Variants in KRT7 observed in about 807,000 individuals in gnomAD.
The protein encoded by KRT7 is keratin 7, also known as keratin, type II cytoskeletal 7.
A neutral mutation model predicts 42.8 loss-of-function variants in KRT7; 50 were observed. That is an observed-to-expected ratio of 1.17 (90% CI 0.93 to 1.48). The LOEUF is 1.48. KRT7 is among the 40% of genes most tolerant of loss of function. KRT7 has a pLI of 0.00. For synonymous variants in KRT7, 268 were observed against 266.3 expected (o/e 1.01, Z -0.06); for missense variants, 588 against 637.6 (o/e 0.92, Z 0.84).
Position 52,235,231 on chromosome 12 carries a change from G to T in KRT7, c.401G>T (p.Ser134Ile), listed in dbSNP as rs1340529098. The change falls in exon 2 of 9, where the codon AGC (serine) becomes ATC (isoleucine). Residue 134 changes from serine (S) to isoleucine (I), a missense_variant. Coordinates refer to ENST00000331817, the MANE Select transcript of KRT7 (RefSeq NM_005556.4). Reference protein sequence around the residue: ...TLLQEQKSAKSSRLPDIFEAQ... With the variant: ...TLLQEQKSAKISRLPDIFEAQ... ...CTGCAGGAGCAGAAGTCGGCCAAGAGCAGCCGCCTCCCAGACATCTTTGAG... is the reference window on the plus strand; with the variant it reads ...CTGCAGGAGCAGAAGTCGGCCAAGATCAGCCGCCTCCCAGACATCTTTGAG... The T allele has an allele frequency of 1.9e-6, 3 of 1,614,086 alleles. No individual in the cohort carries two copies. The African/African-American group carries it at 4.0e-5, about 22-fold the overall frequency.
chr12:52,241,215 C>T (rs1942083453), intron 4 of KRT7, among the ~76,000 whole-genome samples: 1 of 152,190 alleles, frequency 6.6e-6, no homozygotes, highest in Admixed American at 6.5e-5. Context: ...CCACAGCGCA[C>T]CACACTGTCC....
Position 52,233,322 on chromosome 12 carries a change from T to C in KRT7, c.26T>C (p.Val9Ala). 1 of 1,569,488 alleles carries C rather than the reference T, an allele frequency of 6.4e-7. No homozygotes were observed. The highest frequency in any genetic ancestry group is 8.6e-7 in the Non-Finnish European group (1 of 1,163,292). Residue 9 changes from valine (V) to alanine (A), a missense_variant, in exon 1 of 9, where the codon GTA (valine) becomes GCA (alanine). By Grantham distance (64) the Val-to-Ala change is moderately conservative (BLOSUM62 0). Coordinates refer to ENST00000331817, the MANE Select transcript of KRT7 (RefSeq NM_005556.4). The stretch of plus-strand genomic sequence containing the variant: ...ATGTCCATCCACTTCAGCTCCCCGG[T>C]ATTCACCTCGCGCTCAGCCGCCTTC... MSIHFSSP[V>A]FTSRSAAFSG...
At chr12:52,245,064 T>G in intron 6 of KRT7, 3 of 350,876 alleles carry the variant, frequency 8.6e-6, no homozygotes, top group East Asian at 6.9e-5. Context: ...CACAATAGCA[T>G]TTATTAAGCA....
downstream of KRT7, chr12:52,252,439 C>G (rs751642636): frequency 2.5e-6 from 4 of 1,614,166 alleles, no homozygotes; most frequent in South Asian, 4.4e-5. Context: ...GCCGCCTCAC[C>G]CTGCTGCTCA....
chr12:52,255,046 G>A (rs527977133), downstream of KRT7, among the ~76,000 whole-genome samples: 29 of 152,206 alleles, frequency 1.9e-4, no homozygotes, highest in African/African-American at 4.8e-4. Flanking sequence ...TATGCCAGGC[G>A]CAGGGCCGAA....
intron 7 of KRT7, chr12:52,247,868 C>A: frequency 2.3e-6 from 1 of 432,816 alleles, no homozygotes; most frequent in South Asian, 2.6e-5. Context: ...GGGCTTTAGA[C>A]AGATTATGTC....
downstream of KRT7, among the ~76,000 whole-genome samples, chr12:52,252,833 C>T (rs1014443205): frequency 2.0e-5 from 3 of 152,306 alleles, no homozygotes; most frequent in East Asian, 1.9e-4. Flanking sequence ...TTGCTTGCTT[C>T]GCTCATTTAC....
Position 52,243,079 on chromosome 12 carries a change from C to T in KRT7, c.926C>T (p.Ser309Leu). ...DDLRNTRNEI[S>L]EMNRAIQRLQ... is the part of the protein sequence containing the mutation. The stretch of plus-strand genomic sequence containing the variant: ...CTCCGGAATACCCGGAATGAGATTT[C>T]AGAGATGAACCGGGCCATCCAGAGG... Residue 309 changes from serine (S) to leucine (L), a missense_variant, in exon 6 of 9, where the codon TCA (serine) becomes TTA (leucine). Coordinates refer to ENST00000331817, the MANE Select transcript of KRT7 (RefSeq NM_005556.4). 1.9e-6 allele frequency: 3 copies of T among 1,613,926 alleles called. No homozygotes were observed. The highest frequency in any genetic ancestry group is 2.5e-6 in the Non-Finnish European group (3 of 1,179,894).
Position 52,245,523 on chromosome 12 carries a change from C to G in KRT7, c.1096C>G (p.Gln366Glu), listed in dbSNP as rs144527727. 16 of 1,614,036 alleles carry G rather than the reference C, an allele frequency of 9.9e-6. No individual in the cohort carries two copies. Among genetic ancestry groups the G allele is most frequent in the African/African-American group, 2.7e-5 (2 of 74,942 alleles). Reference protein sequence around the residue: ...ELEAALQRGKQDMARQLREYQ... With the variant: ...ELEAALQRGKEDMARQLREYQ... ...GGAAGCCGCCCTGCAGCGGGGCAAG[C>G]AGGATATGGCACGGCAGCTGCGTGA... Residue 366 changes from glutamine (Q) to glutamate (E), a missense_variant, in exon 7 of 9, where the codon CAG becomes GAG. Physicochemically the swap from Gln to Glu is conservative, Grantham distance 29. Transcript: ENST00000331817.
chr12:52,246,557 G>A (rs889858064), intron 7 of KRT7: 3 of 152,466 alleles, frequency 2.0e-5, no homozygotes, highest in Non-Finnish European at 2.9e-5. Context: ...CCGAGGGCCT[G>A]GGTGCTGGGA....
At chr12:52,244,433 A>G in intron 6 of KRT7, 1 of 985,776 alleles carries the variant, frequency 1.0e-6, no homozygotes, top group African/African-American at 1.7e-5. Context: ...GGGAGCTACA[A>G]GGGGTCTCCA....
downstream of KRT7, chr12:52,253,767 T>A (rs1292175772): frequency 4.7e-6 from 4 of 853,344 alleles, no homozygotes; most frequent in Non-Finnish European, 5.5e-6. Flanking sequence ...GCGGATCTCC[T>A]GCAGGAGATG....
In KRT7 at chr12:52,248,228, G is replaced by C; in HGVS notation, c.1240+17G>C. On this transcript the variant is annotated intron_variant, in intron 8 of 8. Transcript: ENST00000331817. ...TGAATATCTGTAAGTCCTTGGCTGC[G>C]GCCCATGGGAAGCATCCCTTGTGCT... 1 of 1,613,578 alleles carries C rather than the reference G, an allele frequency of 6.2e-7. No individual in the cohort carries two copies. Among genetic ancestry groups the C allele is most frequent in the Non-Finnish European group, 8.5e-7 (1 of 1,179,540 alleles).
At chr12:52,253,586 T>A (rs761594473), downstream of KRT7, 39 of 1,593,236 alleles carry the variant, frequency 2.4e-5, no homozygotes, top group Admixed American at 6.8e-5. Context: ...CAGGCAGGTG[T>A]CCTGTGCCAC....
intron 5 of KRT7, chr12:52,242,121 C>T (rs951171391): frequency 2.0e-5 from 3 of 152,236 alleles, no homozygotes; most frequent in African/African-American, 7.2e-5. Context: ...AGGTGTGCAC[C>T]ACCATGCCTG....
chr12:52,253,590 G>C (rs750001154), downstream of KRT7: 2 of 1,591,824 alleles, frequency 1.3e-6, no homozygotes, highest in Non-Finnish European at 1.7e-6. Flanking sequence ...CAGGTGTCCT[G>C]TGCCACTCAC....
chr12:52,233,309 T>A lies in KRT7; in HGVS notation c.13T>A (p.Phe5Ile). Residue 5 changes from phenylalanine (F) to isoleucine (I), a missense_variant, in exon 1 of 9, where the codon TTC (phenylalanine) becomes ATC (isoleucine). By Grantham distance (21) the Phe-to-Ile change is conservative. Transcript: ENST00000331817. ...CGGCCCAGCCACCATGTCCATCCAC[T>A]TCAGCTCCCCGGTATTCACCTCGCG... MSIH[F>I]SSPVFTSRSA... The A allele has an allele frequency of 6.4e-7, 1 of 1,562,898 alleles. No homozygotes were observed. The highest frequency in any genetic ancestry group is 8.6e-7 in the Non-Finnish European group (1 of 1,160,578).
At chr12:52,234,099 A>G in intron 1 of KRT7, among the ~76,000 whole-genome samples, 1 of 106,274 alleles carries the variant, frequency 9.4e-6, no homozygotes, top group African/African-American at 3.8e-5. Flanking sequence ...GATGCTGGAG[A>G]TTAGAGCGGC....
At chr12:52,247,592 C>T (rs1018474832) in intron 7 of KRT7, 1 of 153,474 alleles carries the variant, frequency 6.5e-6, no homozygotes, top group African/African-American at 2.4e-5. Context: ...ATTTCTACTG[C>T]AAGACCTGTT....
Sources: gnomAD v4.1 joint callset for allele counts (sites outside exome capture counted in the v4.1 genomes callset) on GRCh38, gnomAD v4.1.1 for gene constraint, MANE v1.5 for transcripts, NCBI Gene and HGNC (gene_info 2026-07-23, HGNC 2026-07-21) for gene names.